The following IGFN1 variants were observed in gnomAD, a reference collection of about 807,000 sequenced individuals.
The protein encoded by IGFN1 is immunoglobulin like and fibronectin type III domain containing 1.
IGFN1 carries 253 observed loss-of-function variants against 289.5 expected under a neutral mutation model. That is an observed-to-expected ratio of 0.87 (90% CI 0.79 to 0.97). The LOEUF (loss-of-function observed/expected upper bound fraction) is 0.97. Among genes scored for constraint, IGFN1 ranks in the 50% least tolerant of loss-of-function variants. The probability of loss-of-function intolerance (pLI) is 0.00; values close to 1 mark genes in which losing one functional copy is unlikely to be tolerated. For synonymous variants in IGFN1, 1,706 were observed against 1,788.5 expected (o/e 0.95, Z 1.16); for missense variants, 4,470 against 4,686.1 (o/e 0.95, Z 1.35).
intron 19 of IGFN1, chr1:201,222,109 G>A (rs55697341): frequency 0.085 from 15,182 of 179,382 alleles, 849 homozygotes; most frequent in Middle Eastern, 0.12. Context: ...GCTGCTTCCC[G>A]GGCATGGCCT....
At position 201,197,211 on chromosome 1, in the gene IGFN1, T is replaced by C. The variant is rs779945818; in HGVS notation, c.268-7T>C. On this transcript the variant is annotated splice_region_variant and splice_polypyrimidine_tract_variant and intron_variant, in intron 4 of 23. Coordinates refer to ENST00000335211, the MANE Select transcript of IGFN1 (RefSeq NM_001164586.2). ...GCCCTGTTCCTCTGCCCTTGGCCTC[T>C]CTGCAGATCAACAAGCTGACAGGCG... 1 of 1,543,008 alleles carries C rather than the reference T, an allele frequency of 6.5e-7. No homozygotes were observed. Among genetic ancestry groups the C allele is most frequent in the Non-Finnish European group, 8.8e-7 (1 of 1,139,320 alleles).
At chr1:201,200,135 A>G (rs897693478) in intron 7 of IGFN1, 102 bp from the exon 8 acceptor site, 1 of 896,546 alleles carries the variant, frequency 1.1e-6, no homozygotes, top group Non-Finnish European at 1.7e-6. Flanking sequence ...CCTCGAGTGC[A>G]GATAGAGCAG....
In IGFN1 at chr1:201,227,196, C is replaced by T. The variant is rs894572725; in HGVS notation, c.11101C>T (p.Leu3701Phe). Residue 3701 changes from leucine to phenylalanine, a missense_variant, in exon 23 of 24, where the codon CTC becomes TTC. Leu to Phe is a conservative substitution (Grantham distance 22, BLOSUM62 0). Around this residue, in one of 8 missense-constraint regions of IGFN1, gnomAD observed 2,218 missense variants for 2,114.1 expected, o/e 1.05. Coordinates refer to ENST00000335211, the MANE Select transcript of IGFN1 (RefSeq NM_001164586.2). Reference sequence around the variant, plus strand: ...GGGCCAGGCAGTCAGCACTGCCACCCTCATTGTCATAGGTAATGGTGGCTG... The same window carrying T: ...GGGCCAGGCAGTCAGCACTGCCACCTTCATTGTCATAGGTAATGGTGGCTG... The part of the protein sequence containing the change: ...TLGQAVSTAT[L>F]IVIEPST 6.3e-7 allele frequency: 1 copy of T among 1,591,300 alleles called. No individual in the cohort carries two copies. The highest frequency in any genetic ancestry group is 1.3e-5 in the African/African-American group (1 of 74,338).
rs1653325015 is a variant in IGFN1 at position 201,216,691 on chromosome 1, C to G, written c.9533C>G (p.Ala3178Gly). 2 of 1,613,822 alleles carry G rather than the reference C, an allele frequency of 1.2e-6. No homozygotes were observed. Among genetic ancestry groups the G allele is most frequent in the South Asian group, 1.1e-5 (1 of 91,068 alleles). ...PGRKYTFRVR[A>G]VTSEGAGEAL... Reference sequence around the variant, plus strand: ...AGGAAGTATACCTTCCGAGTGCGGGCTGTGACCTCAGAGGGGGCTGGCGAG... The same window carrying G: ...AGGAAGTATACCTTCCGAGTGCGGGGTGTGACCTCAGAGGGGGCTGGCGAG... Residue 3178 changes from alanine (A) to glycine (G), a missense_variant, in exon 16 of 24, where the codon GCT becomes GGT. Physicochemically the swap from Ala to Gly is moderately conservative, Grantham distance 60. This residue lies in a region of IGFN1 where 2,218 missense variants were observed against 2,114.1 expected (regional missense o/e 1.05). Coordinates refer to ENST00000335211, the MANE Select transcript of IGFN1 (RefSeq NM_001164586.2).
chr1:201,204,883 C>T (rs112649677), intron 10 of IGFN1, among the ~76,000 whole-genome samples, 199 bp from the exon 11 acceptor site: 73 of 152,314 alleles, frequency 4.8e-4, no homozygotes, highest in African/African-American at 1.6e-3. Context: ...AAATAAGCCT[C>T]ATTGCTCATA....
At chr1:201,201,891 G>C in intron 9 of IGFN1, 59 bp downstream of exon 9, 2 of 833,966 alleles carry the variant, frequency 2.4e-6, no homozygotes, top group South Asian at 1.5e-5. Flanking sequence ...AGGTCTAGTG[G>C]AGAGGGAACT....
rs956903088 is a variant in IGFN1 at position 201,190,926 on chromosome 1, C to T, written c.-48+19C>T. 1 of 152,068 alleles carries T rather than the reference C, an allele frequency of 6.6e-6. No homozygotes were observed. The highest frequency in any genetic ancestry group is 1.5e-5 in the Non-Finnish European group (1 of 67,958). 9.4% of individuals were successfully genotyped at this position (152,068 alleles called of 1,614,324 possible). On this transcript the variant is annotated intron_variant, in intron 1 of 23. Coordinates refer to ENST00000335211, the MANE Select transcript of IGFN1 (RefSeq NM_001164586.2). ...CACCCAGGTAAGTGGGTGCTCACAC[C>T]TGGCTGCCCACCCGGGCCAGGGTAG...
rs757196248 is a variant in IGFN1 at position 201,207,838 on chromosome 1, A to T, written c.2945A>T (p.Glu982Val). 1 of 1,535,500 alleles carries T rather than the reference A, an allele frequency of 6.5e-7. No individual in the cohort carries two copies. The change falls in exon 12 of 24, where the codon GAA (glutamate) becomes GTA (valine). Residue 982 changes from glutamate (E) to valine (V), a missense_variant. Glu to Val is a moderately radical substitution (Grantham distance 121). Transcript: ENST00000335211. ...GYSYGSGVPG[E>V]MGSGHGAGCR... Reference sequence around the variant, plus strand: ...AGCTATGGCTCAGGGGTTCCAGGAGAAATGGGGTCCGGCCATGGTGCTGGT... The same window carrying T: ...AGCTATGGCTCAGGGGTTCCAGGAGTAATGGGGTCCGGCCATGGTGCTGGT...
At chr1:201,224,969 C>A in intron 21 of IGFN1, 95 bp downstream of exon 21, 1 of 866,442 alleles carries the variant, frequency 1.2e-6, no homozygotes, top group Non-Finnish European at 1.7e-6. Flanking sequence ...CTCAGCCACT[C>A]TACCAGGGCT....
At chr1:201,218,851 C>T (rs1040619279) in intron 18 of IGFN1, among the ~76,000 whole-genome samples, 193 bp downstream of exon 18, 14 of 152,046 alleles carry the variant, frequency 9.2e-5, no homozygotes, top group Non-Finnish European at 1.9e-4. Context: ...TGAGCTCAAA[C>T]AGGCCCAGAA....
chr1:201,212,489 G>A lies in IGFN1; in HGVS notation c.7596G>A (p.Gly2532=), dbSNP rs1667866432. 71 of 1,541,776 alleles carry A rather than the reference G, an allele frequency of 4.6e-5. No individual in the cohort carries two copies. Among genetic ancestry groups the A allele is most frequent in the Non-Finnish European group, 6.2e-5 (71 of 1,146,840 alleles). The change falls in exon 12 of 24, where the codon GGG becomes GGA. Residue 2532 remains glycine, a synonymous_variant. Coordinates refer to ENST00000335211, the MANE Select transcript of IGFN1 (RefSeq NM_001164586.2). ...MGASGFLDGK[G]AVEGETWAGM... is the part of the protein sequence containing the mutation. ...CTTCTGGGTTTCTTGATGGCAAGGGGGCAGTGGAAGGTGAGACCTGGGCAG... is the reference window on the plus strand; with the variant it reads ...CTTCTGGGTTTCTTGATGGCAAGGGAGCAGTGGAAGGTGAGACCTGGGCAG...
chr1:201,205,102 G>T lies in IGFN1; in HGVS notation c.937G>T (p.Val313Phe). 1 of 1,547,708 alleles carries T rather than the reference G, an allele frequency of 6.5e-7. No homozygotes were observed. Among genetic ancestry groups the T allele is most frequent in the East Asian group, 2.4e-5 (1 of 40,830 alleles). The change falls in exon 11 of 24, where the codon GTC becomes TTC. Residue 313 changes from valine to phenylalanine, a missense_variant. Transcript: ENST00000335211. ...EASAIPPRVV[V>F]PLAETHCEEQ... ...GGCAGCCATCCCCCCAAGAGTGGTG[G>T]TCCCACTGGCGGAGACCCACTGTGA... is the stretch of plus-strand genomic sequence containing the variant.
Position 201,211,537 on chromosome 1 carries a change from G to A in IGFN1, c.6644G>A (p.Arg2215Lys), listed in dbSNP as rs746608277. ...GGGTCAGTGAATAAGGCAGGTTATA[G>A]GAAGGATTTGGGGGCTCCTAAGGGA... ...EMGSVNKAGY[R>K]KDLGAPKGMG... Residue 2215 changes from arginine (R) to lysine (K), a missense_variant, in exon 12 of 24, where the codon AGG (arginine) becomes AAG (lysine). Coordinates refer to ENST00000335211, the MANE Select transcript of IGFN1 (RefSeq NM_001164586.2). 8 of 1,522,230 alleles carry A rather than the reference G, an allele frequency of 5.3e-6. No individual in the cohort carries two copies. The South Asian group carries it at 9.7e-5, about 18-fold the overall frequency. The allele number at this position is 1,522,230 out of a possible 1,614,324, so 94.3% of individuals were successfully genotyped here.
chr1:201,207,206 C>T lies in IGFN1; in HGVS notation c.2313C>T (p.Tyr771=). 6.5e-7 allele frequency: 1 copy of T among 1,536,776 alleles called. No individual in the cohort carries two copies. Among genetic ancestry groups the T allele is most frequent in the Non-Finnish European group, 8.7e-7 (1 of 1,146,842 alleles). ...RGESVVTGSA[Y]KTGPGGPGDP... is the part of the protein sequence containing the mutation. ...AGTCTGTAGTTACAGGAAGTGCCTA[C>T]AAAACTGGCCCTGGAGGCCCAGGAG... The change falls in exon 12 of 24, where the codon TAC becomes TAT. Residue 771 remains tyrosine (Y), a synonymous_variant. Coordinates refer to ENST00000335211, the MANE Select transcript of IGFN1 (RefSeq NM_001164586.2).
Position 201,208,932 on chromosome 1 carries a change from C to T in IGFN1, c.4039C>T (p.Gln1347Ter). The change falls in exon 12 of 24, where the codon CAG becomes TAG. Residue 1347 changes from glutamine to a stop codon, truncating the protein, a stop_gained. Transcript: ENST00000335211. LOFTEE classifies it high-confidence loss of function. ...CAAGGCAGATTATAGGGGTGGTTTA[C>T]AGGATTCCAGGGAAGCGGGTTCAGG... ...GSKADYRGGLQDSREAGSGSK... is the reference protein window; with the variant it reads ...GSKADYRGGL 1 of 1,525,254 alleles carries T rather than the reference C, an allele frequency of 6.6e-7. No individual in the cohort carries two copies. The highest frequency in any genetic ancestry group is 1.4e-5 in the African/African-American group (1 of 69,442). 94.5% of individuals were successfully genotyped at this position (1,525,254 alleles called of 1,614,324 possible).
At chr1:201,218,498 G>T (rs1653476682) in intron 17 of IGFN1, 32 bp from the exon 18 acceptor site, 2 of 1,602,840 alleles carry the variant, frequency 1.2e-6, no homozygotes, top group Non-Finnish European at 1.7e-6. Context: ...AGCACCATCA[G>T]GGTGGGACTC....
intron 11 of IGFN1, 142 bp from the exon 12 acceptor site, chr1:201,205,941 G>A (rs1169733010): frequency 3.1e-6 from 2 of 648,690 alleles, no homozygotes; most frequent in Non-Finnish European, 5.4e-6. Context: ...TGGTCACCTT[G>A]CTTCTCTCCT....
At chr1:201,224,544 T>G in intron 20 of IGFN1, 135 bp from the exon 21 acceptor site, 1 of 679,660 alleles carries the variant, frequency 1.5e-6, no homozygotes, top group Non-Finnish European at 2.5e-6. Flanking sequence ...CTTGTCGACG[T>G]TGTGTTTTCT....
At chr1:201,215,902 C>CCTTG in intron 15 of IGFN1, 64 bp downstream of exon 15, 8 of 1,493,006 alleles carry the variant, frequency 5.4e-6, no homozygotes, top group African/African-American at 1.4e-5. Flanking sequence ...CCCTCCCTGC[C>CCTTG]ATCAAGGGCA....
Sources: allele counts gnomAD v4.1 joint callset (sites outside exome capture counted in the v4.1 genomes callset), GRCh38; gene constraint gnomAD v4.1.1; regional missense constraint gnomAD v4.1.1; transcripts MANE v1.5; gene names NCBI Gene and HGNC (gene_info 2026-07-23, HGNC 2026-07-21).